The following UGT1A7 variants were observed in gnomAD, a reference collection of about 807,000 sequenced individuals.
UGT1A7 encodes UDP-glucuronosyltransferase 1A7.
Under a neutral mutation model 45.6 loss-of-function variants are expected in UGT1A7, and 33 were observed. That is an observed-to-expected ratio of 0.72 (90% CI 0.55 to 0.97). UGT1A7 has a LOEUF of 0.97. Among genes scored for constraint, UGT1A7 ranks in the 50% least tolerant of loss-of-function variants. UGT1A7 has a pLI of 0.00. For synonymous variants in UGT1A7, 274 were observed against 250.6 expected (o/e 1.09, Z -0.88); for missense variants, 684 against 666.2 (o/e 1.03, Z -0.29).
At chr2:233,685,139 G>A (rs1299501397) in intron 1 of UGT1A7, among the ~76,000 whole-genome samples, 2 of 152,112 alleles carry the variant, frequency 1.3e-5, no homozygotes, top group Non-Finnish European at 2.9e-5. Context: ...ATCCAGGGAT[G>A]TAATTAAATA....
intron 1 of UGT1A7, among the ~76,000 whole-genome samples, chr2:233,684,051 T>C (rs2074661509): frequency 6.6e-6 from 1 of 152,208 alleles, no homozygotes; most frequent in South Asian, 2.1e-4. Context: ...GTGAAACACC[T>C]GGTGTCTGAT....
intron 1 of UGT1A7, among the ~76,000 whole-genome samples, chr2:233,704,622 G>T (rs1418353770): frequency 6.6e-6 from 1 of 152,090 alleles, no homozygotes; most frequent in Non-Finnish European, 1.5e-5. Context: ...TATAGAGTTT[G>T]TTATATTAAC....
intron 1 of UGT1A7, among the ~76,000 whole-genome samples, chr2:233,739,561 C>T (rs1384558605): frequency 1.3e-5 from 2 of 152,192 alleles, no homozygotes; most frequent in African/African-American, 4.8e-5. Flanking sequence ...TAATGACTGC[C>T]CTGCCTGGTT....
intron 1 of UGT1A7, among the ~76,000 whole-genome samples, chr2:233,689,077 C>A (rs1395132958): frequency 5.9e-5 from 9 of 152,220 alleles, no homozygotes; most frequent in Admixed American, 6.5e-5. Flanking sequence ...CATGGCTTAA[C>A]TTAGTGGCCT....
At chr2:233,741,073 T>C (rs1691558137) in intron 1 of UGT1A7, among the ~76,000 whole-genome samples, 1 of 151,920 alleles carries the variant, frequency 6.6e-6, no homozygotes, top group South Asian at 2.1e-4. Context: ...AGCGAGACCC[T>C]GTCTTTAAAA....
At position 233,747,852 on chromosome 2, in the gene UGT1A7, A is replaced by G. The variant is rs1025681492; in HGVS notation, c.856-19182A>G. The G allele has an allele frequency of 1.3e-5, 21 of 1,613,396 alleles. 1 individual carries two copies. The African/African-American group carries it at 1.9e-4, about 14-fold the overall frequency. On this transcript the variant is annotated intron_variant, in intron 1 of 4. Coordinates refer to ENST00000373426, the MANE Select transcript of UGT1A7 (RefSeq NM_019077.3). ...GACATTCCTGCAAAGGGTCAAGAAC[A>G]TGCTCTACCCTCTGGCCCTGTCCTA...
intron 1 of UGT1A7, among the ~76,000 whole-genome samples, chr2:233,688,558 T>G (rs147203988): frequency 7.5e-4 from 114 of 152,300 alleles, no homozygotes; most frequent in African/African-American, 2.6e-3. Context: ...CTCTAATCCC[T>G]CAGCAAACAT....
intron 1 of UGT1A7, among the ~76,000 whole-genome samples, chr2:233,715,816 G>A (rs1294109650): frequency 6.6e-6 from 1 of 152,118 alleles, no homozygotes; most frequent in Non-Finnish European, 1.5e-5. Context: ...TTGTTTTAAA[G>A]TTAGAAAACA....
chr2:233,712,950 C>A (rs2076262788), intron 1 of UGT1A7: 1 of 1,612,726 alleles, frequency 6.2e-7, no homozygotes, highest in South Asian at 1.1e-5. Context: ...CTAGGAGGCA[C>A]AACGTGGGGT....
Position 233,767,871 on chromosome 2 carries a change from C to G in UGT1A7, c.1010C>G (p.Thr337Ser). The stretch of plus-strand genomic sequence containing the variant: ...CAGGTCCTGTGGCGGTACACTGGAA[C>G]CCGACCATCGAATCTTGCGAACAAC... ...PQTVLWRYTG[T>S]RPSNLANNTI... The change falls in exon 3 of 5, where the codon ACC becomes AGC. Residue 337 changes from threonine to serine, a missense_variant. Coordinates refer to ENST00000373426, the MANE Select transcript of UGT1A7 (RefSeq NM_019077.3). The G allele has an allele frequency of 6.2e-7, 1 of 1,614,154 alleles. No homozygotes were observed. Among genetic ancestry groups the G allele is most frequent in the Non-Finnish European group, 8.5e-7 (1 of 1,180,040 alleles).
intron 1 of UGT1A7, among the ~76,000 whole-genome samples, chr2:233,742,394 T>C (rs553013500): frequency 6.6e-6 from 1 of 152,130 alleles, no homozygotes; most frequent in South Asian, 2.1e-4. Flanking sequence ...GCTCATGTTA[T>C]TATTTGTAGT....
At chr2:233,730,637 G>A (rs2078055755) in intron 1 of UGT1A7, among the ~76,000 whole-genome samples, 1 of 152,192 alleles carries the variant, frequency 6.6e-6, no homozygotes, top group African/African-American at 2.4e-5. Flanking sequence ...TCTGGTGCAT[G>A]ATGTGGGGAC....
rs546183589 is a variant in UGT1A7, at chr2:233,683,052, C to CA, written c.855+267dup. On this transcript the variant is annotated intron_variant, in intron 1 of 4. Transcript: ENST00000373426. The stretch of plus-strand genomic sequence containing the variant: ...TCTAAATGCTATTTTTGGAAAAATA[C>CA]AAAAAAACCACAGTAAGAAATGAAA... Among the ~76,000 whole-genome samples the CA allele has an allele frequency of 7.1e-4, 108 of 151,792 alleles. 1 individual carries two copies. The highest frequency in any genetic ancestry group is 2.3e-3 in the African/African-American group (97 of 41,428).
At position 233,767,890 on chromosome 2, in the gene UGT1A7, G is replaced by A. The variant is rs770433443; in HGVS notation, c.1029G>A (p.Ala343=). The A allele has an allele frequency of 2.3e-5, 37 of 1,613,976 alleles. 1 individual carries two copies. The highest frequency in any genetic ancestry group is 1.6e-4 in the Middle Eastern group (1 of 6,082). The part of the protein sequence containing the change: ...RYTGTRPSNL[A]NNTILVKWLP... ...CTGGAACCCGACCATCGAATCTTGC[G>A]AACAACACGATACTTGTTAAGTGGC... is the stretch of plus-strand genomic sequence containing the variant. The change falls in exon 3 of 5, where the codon GCG becomes GCA. Residue 343 remains alanine (A), a synonymous_variant. Transcript: ENST00000373426.
chr2:233,749,957 G>T (rs1223169654), intron 1 of UGT1A7, among the ~76,000 whole-genome samples: 2 of 151,888 alleles, frequency 1.3e-5, no homozygotes, highest in African/African-American at 4.9e-5. Context: ...CGAGTCTTGG[G>T]TATGTCTTTA....
intron 1 of UGT1A7, among the ~76,000 whole-genome samples, chr2:233,711,031 G>A (rs1185789408): frequency 6.6e-6 from 1 of 152,142 alleles, no homozygotes; most frequent in African/African-American, 2.4e-5. Context: ...TTTTTCTGGG[G>A]TGACCTCACT....
intron 1 of UGT1A7, among the ~76,000 whole-genome samples, chr2:233,749,534 G>A (rs1161512462): frequency 6.6e-6 from 1 of 151,852 alleles, no homozygotes; most frequent in Non-Finnish European, 1.5e-5. Flanking sequence ...ATTTTCGAGT[G>A]TGGTAAAGAA....
Position 233,768,378 on chromosome 2 carries a change from G to T in UGT1A7, c.1234G>T (p.Val412Phe). 6.2e-7 allele frequency: 1 copy of T among 1,614,156 alleles called. No homozygotes were observed. The highest frequency in any genetic ancestry group is 1.1e-5 in the South Asian group (1 of 91,088). ...ETKGAGVTLNVLEMTSEDLEN... is the reference protein window; with the variant it reads ...ETKGAGVTLNFLEMTSEDLEN... ...TAAGGGAGCTGGAGTGACCCTGAAT[G>T]TTCTGGAAATGACTTCTGAAGATTT... Residue 412 changes from valine (V) to phenylalanine (F), a missense_variant, in exon 4 of 5, where the codon GTT (valine) becomes TTT (phenylalanine). Transcript: ENST00000373426.
intron 4 of UGT1A7, chr2:233,770,774 T>C (rs1700153442): frequency 6.6e-6 from 1 of 152,224 alleles, no homozygotes; most frequent in African/African-American, 2.4e-5. Context: ...TAATAATGTT[T>C]CCAAATAACA....
Sources: gnomAD v4.1 joint callset for allele counts (sites outside exome capture counted in the v4.1 genomes callset) on GRCh38, gnomAD v4.1.1 for gene constraint, MANE v1.5 for transcripts, NCBI Gene and HGNC (gene_info 2026-07-23, HGNC 2026-07-21) for gene names.